The following TBC1D5 variants were observed in gnomAD, a reference collection of about 807,000 sequenced individuals.
TBC1D5 encodes TBC1 domain family, member 5.
A neutral mutation model predicts 100.3 loss-of-function variants in TBC1D5; 75 were observed. That is an observed-to-expected ratio of 0.75 (90% CI 0.62 to 0.91). The LOEUF is 0.91. TBC1D5 is among the 40% of genes least tolerant of loss of function. The pLI is 0.00. For synonymous variants in TBC1D5, 323 were observed against 325.6 expected, an observed-to-expected ratio of 0.99 and a Z score of 0.09; for missense variants, 910 against 942.4, an observed-to-expected ratio of 0.97 and a Z score of 0.45.
At chr3:17,196,668 G>A (rs1035443095) in intron 18 of TBC1D5, among the ~76,000 whole-genome samples, 2 of 152,056 alleles carry the variant, frequency 1.3e-5, no homozygotes, top group African/African-American at 4.8e-5. Context: ...AAATACTTTG[G>A]GTATATGTTG....
intron 15 of TBC1D5, among the ~76,000 whole-genome samples, chr3:17,267,284 C>T (rs2078950462): frequency 6.6e-6 from 1 of 151,808 alleles, no homozygotes; most frequent in African/African-American, 2.4e-5. Flanking sequence ...TACAAATTTT[C>T]TTTGTTGCTA....
chr3:17,615,061 A>C (rs950746849), intron 2 of TBC1D5, among the ~76,000 whole-genome samples: 3 of 152,200 alleles, frequency 2.0e-5, no homozygotes, highest in African/African-American at 7.2e-5. Context: ...ATGTTCCATC[A>C]ATACCTAGTT....
rs140913922 is a variant in TBC1D5 at position 17,449,585 on chromosome 3, A to T, written c.98-21066T>A. ...CACCATTACTGAGGCTTGAGTAGGC[A>T]GTTTTCCCCTCAGAGTATAAAGAAA... On this transcript the variant is annotated intron_variant, in intron 3 of 21. Transcript: ENST00000253692. 9.1e-3 allele frequency among the ~76,000 whole-genome samples: 1,382 copies of T among 152,310 alleles called. 84 individuals carry two copies. Among genetic ancestry groups the T allele is most frequent in the Admixed American group, 0.072 (1,101 of 15,300 alleles).
chr3:17,214,283 G>A, exon 18 of TBC1D5: 1 of 1,613,466 alleles, frequency 6.2e-7, no homozygotes, highest in Non-Finnish European at 8.5e-7. Flanking sequence ...TTTTTTAGTA[G>A]CAGATGAAGG....
intron 2 of TBC1D5, among the ~76,000 whole-genome samples, chr3:17,570,685 T>C (rs1200258747): frequency 2.6e-5 from 4 of 152,132 alleles, no homozygotes; most frequent in South Asian, 4.1e-4. Flanking sequence ...TTTTCAAATA[T>C]ACAGAAAAGG....
intron 8 of TBC1D5, among the ~76,000 whole-genome samples, chr3:17,396,795 G>A (rs1289473083): frequency 2.0e-5 from 3 of 151,960 alleles, no homozygotes; most frequent in African/African-American, 7.2e-5. Flanking sequence ...GTTTCACAGA[G>A]GCCATATCTA....
chr3:17,311,349 A>G (rs2084011687), intron 13 of TBC1D5, among the ~76,000 whole-genome samples: 1 of 152,072 alleles, frequency 6.6e-6, no homozygotes, highest in Non-Finnish European at 1.5e-5. Context: ...ATATTTTACC[A>G]TATCTACTTA....
At position 17,384,031 on chromosome 3, in the gene TBC1D5, A is replaced by G; in HGVS notation, c.510-16T>C. 1 of 1,590,350 alleles carries G rather than the reference A, an allele frequency of 6.3e-7. No individual in the cohort carries two copies. Among genetic ancestry groups the G allele is most frequent in the Non-Finnish European group, 8.6e-7 (1 of 1,162,946 alleles). ...TTCAGGAAACCTGGAAAAAGAAAAT[A>G]CAAGATTGAAACTGACTAACACAGT... On this transcript the variant is annotated splice_polypyrimidine_tract_variant and intron_variant, in intron 8 of 21. Transcript: ENST00000253692.
intron 14 of TBC1D5, among the ~76,000 whole-genome samples, chr3:17,300,798 G>A (rs1337366924): frequency 3.9e-5 from 6 of 152,176 alleles, no homozygotes; most frequent in African/African-American, 7.2e-5. Flanking sequence ...TAGGCCCGGC[G>A]TGGTGGCTCA....
chr3:17,279,799 G>C (rs2149862709), intron 15 of TBC1D5, among the ~76,000 whole-genome samples: 1 of 152,252 alleles, frequency 6.6e-6, no homozygotes, highest in East Asian at 1.9e-4. Context: ...TAGAATATCT[G>C]GGAATCTGTA....
At chr3:17,280,982 C>T (rs892091400) in intron 15 of TBC1D5, among the ~76,000 whole-genome samples, 1 of 152,214 alleles carries the variant, frequency 6.6e-6, no homozygotes, top group Non-Finnish European at 1.5e-5. Flanking sequence ...GCACTCACCC[C>T]GGCTCCTGCA....
intron 18 of TBC1D5, among the ~76,000 whole-genome samples, chr3:17,208,199 C>T (rs907322822): frequency 2.0e-5 from 3 of 152,178 alleles, no homozygotes; most frequent in African/African-American, 7.2e-5. Context: ...GAATGAGTCC[C>T]GGCTATGGGC....
intron 13 of TBC1D5, among the ~76,000 whole-genome samples, chr3:17,370,092 G>A (rs2092379389): frequency 6.6e-6 from 1 of 152,050 alleles, no homozygotes; most frequent in African/African-American, 2.4e-5. Context: ...AAATTATTCT[G>A]ATAAAGATGA....
chr3:17,686,846 T>C (rs1195494272), intron 1 of TBC1D5, among the ~76,000 whole-genome samples: 1 of 152,174 alleles, frequency 6.6e-6, no homozygotes, highest in African/African-American at 2.4e-5. Context: ...AGGTCAGGGA[T>C]GCTGCTAAAC....
chr3:17,214,490 A>G, intron 17 of TBC1D5, 120 bp from the exon 19 acceptor site: 3 of 1,027,446 alleles, frequency 2.9e-6, no homozygotes, highest in Non-Finnish European at 4.2e-6. Context: ...CTATCAACAT[A>G]ATGACACTAT....
chr3:17,173,549 G>T (rs1005064874), intron 19 of TBC1D5, among the ~76,000 whole-genome samples: 2 of 151,978 alleles, frequency 1.3e-5, no homozygotes, highest in Admixed American at 6.6e-5. Context: ...GTGAGATGGG[G>T]GTAATACCCA....
chr3:17,471,376 C>A (rs1329790436), intron 3 of TBC1D5, among the ~76,000 whole-genome samples: 1 of 151,996 alleles, frequency 6.6e-6, no homozygotes, highest in Non-Finnish European at 1.5e-5. Context: ...TCTTATTATG[C>A]TTAAATAATT....
chr3:17,705,970 G>C (rs1560518688), intron 1 of TBC1D5: 3 of 1,417,362 alleles, frequency 2.1e-6, no homozygotes, highest in Non-Finnish European at 2.8e-6. Flanking sequence ...GCGCTCCTCA[G>C]CATTTCTTTA....
At chr3:17,335,288 T>C (rs574165743) in intron 13 of TBC1D5, among the ~76,000 whole-genome samples, 20 of 152,282 alleles carry the variant, frequency 1.3e-4, no homozygotes, top group African/African-American at 4.3e-4. Flanking sequence ...GGAGTACAGA[T>C]AATTATTATT....
Sources: gnomAD v4.1 joint callset for allele counts (sites outside exome capture counted in the v4.1 genomes callset) on GRCh38, gnomAD v4.1.1 for gene constraint, MANE v1.5 for transcripts, NCBI Gene and HGNC (gene_info 2026-07-23, HGNC 2026-07-21) for gene names.